Variants in VPS53 observed in about 807,000 individuals in gnomAD.
VPS53 encodes VPS53 subunit of GARP complex.
Under a neutral mutation model 107.0 loss-of-function variants are expected in VPS53, and 70 were observed. That is an observed-to-expected ratio of 0.65 (90% CI 0.54 to 0.80). The LOEUF (loss-of-function observed/expected upper bound fraction) is 0.80, where lower values mean the gene tolerates loss of function less well. VPS53 is among the 30% of genes least tolerant of loss of function. VPS53 has a pLI of 0.00. For missense variants in VPS53, 917 were observed against 1,049.4 expected, an observed-to-expected ratio of 0.87 and a Z score of 1.74; for synonymous variants, 409 against 393.3, an observed-to-expected ratio of 1.04 and a Z score of -0.47.
chr17:653,292 T>G lies in VPS53; in HGVS notation c.607A>C (p.Arg203=), dbSNP rs769813898. ...GIPQIRQLSE[R]VKAAQTELGQ... The stretch of plus-strand genomic sequence containing the variant: ...ACTTTCCCTCTGGTGACAGTTTACC[T>G]TTCGGAAAGCTGCCGGATCTGCGGA... Residue 203 remains arginine, a splice_region_variant and synonymous_variant, in exon 7 of 22, where the codon AGA becomes CGA. Transcript: ENST00000437048. 1 of 1,613,726 alleles carries G rather than the reference T, an allele frequency of 6.2e-7. No individual in the cohort carries two copies. The highest frequency in any genetic ancestry group is 8.5e-7 in the Non-Finnish European group (1 of 1,179,966).
chr17:697,803 C>A (rs1405107971), intron 3 of VPS53, among the ~76,000 whole-genome samples: 1 of 152,182 alleles, frequency 6.6e-6, no homozygotes, highest in African/African-American at 2.4e-5. Context: ...AGTTCCGGAG[C>A]CTTTACGTGA....
chr17:536,705 T>C (rs1910097671), intron 18 of VPS53: 2 of 238,416 alleles, frequency 8.4e-6, no homozygotes, highest in Non-Finnish European at 1.7e-5. Flanking sequence ...AAGTATGGTT[T>C]TAAAAACAAC....
At chr17:659,480 C>T (rs2143577059) in intron 5 of VPS53, among the ~76,000 whole-genome samples, 2 of 152,208 alleles carry the variant, frequency 1.3e-5, no homozygotes, top group South Asian at 4.2e-4. Context: ...ACGGTTTTGC[C>T]ATGTTGGCCA....
intron 4 of VPS53, among the ~76,000 whole-genome samples, chr17:680,661 C>T (rs1972357586): frequency 6.6e-6 from 1 of 152,152 alleles, no homozygotes; most frequent in Non-Finnish European, 1.5e-5. Context: ...AATCGGGAAA[C>T]AAGACAACAT....
At chr17:608,654 C>T (rs1163286654) in intron 11 of VPS53, among the ~76,000 whole-genome samples, 2 of 149,994 alleles carry the variant, frequency 1.3e-5, no homozygotes, top group East Asian at 1.9e-4. Flanking sequence ...CTCACTCTTC[C>T]ACCCAGGATG....
At chr17:601,618 C>G (rs1968327920) in intron 12 of VPS53, among the ~76,000 whole-genome samples, 177 bp downstream of exon 12, 1 of 152,194 alleles carries the variant, frequency 6.6e-6, no homozygotes, top group Non-Finnish European at 1.5e-5. Context: ...GCAGGGAAGT[C>G]TGCCCTTTCA....
rs73283509 is a variant in VPS53 at position 684,613 on chromosome 17, G to A, written c.285+12805C>T. On this transcript the variant is annotated intron_variant, in intron 4 of 21. Coordinates refer to ENST00000437048, the MANE Select transcript of VPS53 (RefSeq NM_001128159.3). The stretch of plus-strand genomic sequence containing the variant: ...TTGGAAGATTTAATATTGTAAAGAT[G>A]TCAATTCTCCTTCAATTGATCTATA... Among the ~76,000 whole-genome samples, 1,506 of 152,268 alleles carry A rather than the reference G, an allele frequency of 9.9e-3. 24 individuals carry two copies. The highest frequency in any genetic ancestry group is 0.034 in the African/African-American group (1,409 of 41,544).
At chr17:641,440 G>GC (rs1197470220) in intron 7 of VPS53, among the ~76,000 whole-genome samples, 1 of 152,188 alleles carries the variant, frequency 6.6e-6, no homozygotes, top group Non-Finnish European at 1.5e-5. Context: ...ATAACTGTCA[G>GC]CAAAGCACAT....
chr17:563,450 C>T (rs1913213775), intron 13 of VPS53, among the ~76,000 whole-genome samples: 1 of 152,080 alleles, frequency 6.6e-6, no homozygotes, highest in African/African-American at 2.4e-5. Context: ...CACACGCCAC[C>T]ATGCCCAGCT....
At chr17:557,930 GCT>G (rs1912586296) in intron 15 of VPS53, among the ~76,000 whole-genome samples, 1 of 148,334 alleles carries the variant, frequency 6.7e-6, no homozygotes, top group South Asian at 2.1e-4. Context: ...TGTGATCATA[GCT>G]CACTGCAGCT....
At chr17:670,494 A>AG (rs1971890422) in intron 4 of VPS53, among the ~76,000 whole-genome samples, 1 of 152,200 alleles carries the variant, frequency 6.6e-6, no homozygotes, top group Non-Finnish European at 1.5e-5. Flanking sequence ...GTGGAAGATA[A>AG]GGAGTATGGA....
chr17:530,036 A>G (rs1370618180), intron 19 of VPS53, among the ~76,000 whole-genome samples: 1 of 152,126 alleles, frequency 6.6e-6, no homozygotes, highest in Non-Finnish European at 1.5e-5. Flanking sequence ...CAAAAAAAAA[A>G]AGTATTTCAC....
rs766783095 is a variant in VPS53 at position 653,306 on chromosome 17, C to T, written c.593G>A (p.Arg198Gln). ...FHKYMGIPQI[R>Q]QLSERVKAAQ... Reference sequence around the variant, plus strand: ...GACAGTTTACCTTTCGGAAAGCTGCCGGATCTGCGGAATCCCCATATACTT... The same window carrying T: ...GACAGTTTACCTTTCGGAAAGCTGCTGGATCTGCGGAATCCCCATATACTT... The change falls in exon 7 of 22, where the codon CGG becomes CAG. Residue 198 changes from arginine (R) to glutamine (Q), a missense_variant. By Grantham distance (43) the Arg-to-Gln change is conservative. Coordinates refer to ENST00000437048, the MANE Select transcript of VPS53 (RefSeq NM_001128159.3). The T allele has an allele frequency of 6.2e-6, 10 of 1,613,982 alleles. No homozygotes were observed. Among genetic ancestry groups the T allele is most frequent in the Admixed American group, 1.7e-5 (1 of 59,990 alleles).
chr17:568,247 T>C (rs1044352752), intron 13 of VPS53, among the ~76,000 whole-genome samples: 2 of 152,032 alleles, frequency 1.3e-5, no homozygotes, highest in African/African-American at 4.8e-5. Flanking sequence ...AGATAACTTA[T>C]TTATTTATTT....
chr17:658,522 C>T (rs1201845336), intron 5 of VPS53, among the ~76,000 whole-genome samples: 1 of 150,508 alleles, frequency 6.6e-6, no homozygotes, highest in Non-Finnish European at 1.5e-5. Flanking sequence ...GCAGGGAGTT[C>T]GTGGATAGAT....
chr17:677,222 G>C (rs897572899), intron 4 of VPS53, among the ~76,000 whole-genome samples: 1 of 152,076 alleles, frequency 6.6e-6, no homozygotes, highest in Non-Finnish European at 1.5e-5. Context: ...CAGATGAATG[G>C]ATACACACAA....
intron 13 of VPS53, among the ~76,000 whole-genome samples, chr17:580,965 C>T (rs1273653529): frequency 2.0e-5 from 3 of 152,016 alleles, no homozygotes; most frequent in Admixed American, 6.5e-5. Flanking sequence ...TCCCACAGAA[C>T]CTAATGCGTT....
intron 7 of VPS53, among the ~76,000 whole-genome samples, chr17:642,637 C>T (rs908986296): frequency 1.0e-3 from 149 of 146,090 alleles, no homozygotes; most frequent in South Asian, 1.8e-3. Flanking sequence ...ACTTGGAAAG[C>T]GAGGACAACA....
At chr17:523,078 T>A (rs1249375737) in intron 19 of VPS53, 1 of 152,188 alleles carries the variant, frequency 6.6e-6, no homozygotes. Context: ...AGACAAAAGG[T>A]GGAAGGGAAG....
Sources: allele counts gnomAD v4.1 joint callset (sites outside exome capture counted in the v4.1 genomes callset), GRCh38; gene constraint gnomAD v4.1.1; transcripts MANE v1.5; gene names NCBI Gene and HGNC (gene_info 2026-07-23, HGNC 2026-07-21).